The following REDIC1 variants were observed in gnomAD, a reference collection of about 807,000 sequenced individuals.
REDIC1 encodes the protein regulator of DNA class I crossover intermediates 1.
At chr12:39,752,369 T>G in the REDIC1 span, among the ~76,000 whole-genome samples, 1 of 152,138 alleles carries the variant, frequency 6.6e-6, no homozygotes, top group Non-Finnish European at 1.5e-5. Flanking sequence ...GAATTGAATA[T>G]CTGGTGATCT....
chr12:39,778,990 A>C, the REDIC1 span, among the ~76,000 whole-genome samples: 1,110 of 152,272 alleles, frequency 7.3e-3, 19 homozygotes, highest in African/African-American at 0.025. Context: ...AGAACTAACT[A>C]GGGAGTCAGA....
At chr12:39,646,522 A>G in the REDIC1 span, 17 of 1,448,300 alleles carry the variant, frequency 1.2e-5, no homozygotes, top group Non-Finnish European at 1.6e-5. Context: ...CAACACTTTT[A>G]CTCACTCGAA....
the REDIC1 span, among the ~76,000 whole-genome samples, chr12:39,800,032 A>G: frequency 7.9e-5 from 12 of 152,296 alleles, no homozygotes; most frequent in African/African-American, 2.9e-4. Context: ...TGAAAAGCAG[A>G]TTTTTGCCAA....
At chr12:39,746,480 T>C in the REDIC1 span, among the ~76,000 whole-genome samples, 1 of 152,160 alleles carries the variant, frequency 6.6e-6, no homozygotes, top group Non-Finnish European at 1.5e-5. Context: ...TGCCTGCCTC[T>C]GTAGACTCCA....
the REDIC1 span, among the ~76,000 whole-genome samples, chr12:39,678,705 T>G: frequency 7.0e-6 from 1 of 143,504 alleles, no homozygotes; most frequent in Non-Finnish European, 1.5e-5. Context: ...CTCAACAAAA[T>G]ACTAGCTAAC....
chr12:39,648,531 A>AAT, the REDIC1 span, among the ~76,000 whole-genome samples: 1 of 151,558 alleles, frequency 6.6e-6, no homozygotes, highest in African/African-American at 2.4e-5. Flanking sequence ...AAAAATATAA[A>AAT]ATATATAAAT....
At chr12:39,905,963 A>G in the REDIC1 span, among the ~76,000 whole-genome samples, 8 of 152,218 alleles carry the variant, frequency 5.3e-5, no homozygotes, top group African/African-American at 1.9e-4. Context: ...TAAAAAGTAT[A>G]TTCCTAATTT....
chr12:39,895,791 CACATGTATATGCGTGTATACGT>C, the REDIC1 span, among the ~76,000 whole-genome samples: 5 of 81,960 alleles, frequency 6.1e-5, 1 homozygote, highest in African/African-American at 2.5e-4. Context: ...TATACGTACA[CACATGTATATGCGTGTATACGT>C]ACACACATGT....
the REDIC1 span, among the ~76,000 whole-genome samples, chr12:39,811,859 G>T: frequency 6.6e-6 from 1 of 152,038 alleles, no homozygotes; most frequent in African/African-American, 2.4e-5. Context: ...AGTTGCATTT[G>T]TTTTCATGTC....
the REDIC1 span, among the ~76,000 whole-genome samples, chr12:39,903,569 A>G: frequency 6.6e-6 from 1 of 152,074 alleles, no homozygotes; most frequent in Admixed American, 6.6e-5. Flanking sequence ...AGAGGTAGGT[A>G]CGTGGCAAAA....
the REDIC1 span, chr12:39,830,518 A>C: frequency 9.2e-7 from 1 of 1,083,656 alleles, no homozygotes; most frequent in Non-Finnish European, 1.1e-6. Context: ...TGGAGCAAAT[A>C]AACTTTTGCT....
the REDIC1 span, among the ~76,000 whole-genome samples, chr12:39,667,334 C>A: frequency 6.6e-6 from 1 of 152,168 alleles, no homozygotes; most frequent in Non-Finnish European, 1.5e-5. Flanking sequence ...ACCCAGTAGT[C>A]ATTCAGGAGC....
the REDIC1 span, among the ~76,000 whole-genome samples, chr12:39,667,000 A>T: frequency 6.6e-6 from 1 of 150,454 alleles, no homozygotes; most frequent in Non-Finnish European, 1.5e-5. Flanking sequence ...AGTTTTGTTG[A>T]TCTTTTCAAA....
At chr12:39,749,032 ATT>A in the REDIC1 span, among the ~76,000 whole-genome samples, 1 of 152,164 alleles carries the variant, frequency 6.6e-6, no homozygotes, top group African/African-American at 2.4e-5. Context: ...GAGCAAACAC[ATT>A]CAAAAGCTAG....
At chr12:39,653,536 CTTT>C in the REDIC1 span, among the ~76,000 whole-genome samples, 937 of 55,056 alleles carry the variant, frequency 0.017, 61 homozygotes, top group African/African-American at 0.028. Flanking sequence ...TCTTCTTCTT[CTTT>C]TTCTTCTTCT....
At chr12:39,657,433 CTTG>C in the REDIC1 span, among the ~76,000 whole-genome samples, 1 of 152,158 alleles carries the variant, frequency 6.6e-6, no homozygotes, top group Admixed American at 6.5e-5. Flanking sequence ...AAAATGTATT[CTTG>C]TTGTAAAGTG....
chr12:39,804,523 G>C, the REDIC1 span, among the ~76,000 whole-genome samples: 1 of 152,066 alleles, frequency 6.6e-6, no homozygotes, highest in Non-Finnish European at 1.5e-5. Flanking sequence ...AATAGCTTTG[G>C]TATTCCCTGA....
chr12:39,799,617 A>G, the REDIC1 span, among the ~76,000 whole-genome samples: 8 of 152,206 alleles, frequency 5.3e-5, no homozygotes, highest in Non-Finnish European at 1.2e-4. Flanking sequence ...TTAGCTAAAA[A>G]CCTGGTCAAA....
chr12:39,690,259 T>G, the REDIC1 span, among the ~76,000 whole-genome samples: 1 of 152,154 alleles, frequency 6.6e-6, no homozygotes, highest in East Asian at 1.9e-4. Context: ...TGGGGACATG[T>G]GGTGTTCTCA....
Sources: allele counts gnomAD v4.1 joint callset (sites outside exome capture counted in the v4.1 genomes callset), GRCh38; gene constraint gnomAD v4.1.1; transcripts MANE v1.5; gene names NCBI Gene and HGNC (gene_info 2026-07-23, HGNC 2026-07-21).